The following SPTLC3 variants were observed in gnomAD, a reference collection of about 807,000 sequenced individuals.
The protein encoded by SPTLC3 is serine palmitoyltransferase 3.
Under a neutral mutation model 59.3 loss-of-function variants are expected in SPTLC3, and 36 were observed. The observed-to-expected ratio is 0.61, with a 90% confidence interval of 0.47 to 0.80. The LOEUF is 0.80. SPTLC3 is among the 30% of genes least tolerant of loss of function. SPTLC3 has a pLI of 0.00. For missense variants in SPTLC3, 625 were observed against 685.1 expected (o/e 0.91, Z 0.98); for synonymous variants, 257 against 240.8 (o/e 1.07, Z -0.62).
rs962568204 is a variant in SPTLC3 at position 13,165,575 on chromosome 20, T to G, written c.*708T>G. ...GTTTGGAAAATTCAAGATGTTTGTT[T>G]CATAAGAAAAGGGGCAGAAAGCAAG... On this transcript the variant is annotated 3_prime_UTR_variant, in exon 12 of 12. Coordinates refer to ENST00000399002, the MANE Select transcript of SPTLC3 (RefSeq NM_018327.4). 5 of 152,190 alleles carry G rather than the reference T, an allele frequency of 3.3e-5. No homozygotes were observed. The highest frequency in any genetic ancestry group is 7.3e-5 in the Non-Finnish European group (5 of 68,048). 9.4% of individuals were successfully genotyped at this position (152,190 alleles called of 1,614,324 possible). A position where few individuals can be genotyped will look rare whatever the true frequency, so the allele number is the denominator to read the frequency against.
At chr20:13,120,496 A>G (rs1990841664) in intron 8 of SPTLC3, among the ~76,000 whole-genome samples, 1 of 152,178 alleles carries the variant, frequency 6.6e-6, no homozygotes, top group Admixed American at 6.5e-5. Context: ...AATCTAGAAA[A>G]AAGAGATAAA....
chr20:13,102,482 GA>G (rs1345512258), intron 6 of SPTLC3, among the ~76,000 whole-genome samples: 3 of 152,162 alleles, frequency 2.0e-5, no homozygotes, highest in Non-Finnish European at 4.4e-5. Flanking sequence ...TAGGAAGTCT[GA>G]CTCCAGAGTC....
At chr20:13,035,711 GAC>G (rs1230647393) in intron 1 of SPTLC3, among the ~76,000 whole-genome samples, 1 of 152,148 alleles carries the variant, frequency 6.6e-6, no homozygotes, top group Admixed American at 6.6e-5. Context: ...AGAATCAAGT[GAC>G]ACACTCTAAA....
intron 6 of SPTLC3, among the ~76,000 whole-genome samples, chr20:13,096,847 T>C (rs1328600565): frequency 6.6e-6 from 1 of 152,164 alleles, no homozygotes; most frequent in African/African-American, 2.4e-5. Context: ...TAAAACAAAG[T>C]ACAGGCTTTG....
chr20:13,105,173 AG>A (rs1989811052), intron 6 of SPTLC3, among the ~76,000 whole-genome samples: 1 of 152,144 alleles, frequency 6.6e-6, no homozygotes, highest in Non-Finnish European at 1.5e-5. Context: ...CCAGGGGCTA[AG>A]GTGGGGCCAG....
chr20:13,038,096 T>A (rs1257584402), intron 1 of SPTLC3, among the ~76,000 whole-genome samples: 1 of 151,020 alleles, frequency 6.6e-6, no homozygotes, highest in East Asian at 1.9e-4. Flanking sequence ...CTGTCTGCCA[T>A]ATGGTGTGTA....
intron 2 of SPTLC3, among the ~76,000 whole-genome samples, chr20:13,063,297 C>A (rs1351161000): frequency 1.3e-5 from 2 of 152,146 alleles, no homozygotes; most frequent in Non-Finnish European, 2.9e-5. Flanking sequence ...TAGAGGAACT[C>A]TATGTGCTCT....
chr20:13,093,434 C>T, intron 5 of SPTLC3, 50 bp from the exon 6 acceptor site: 1 of 1,558,496 alleles, frequency 6.4e-7, no homozygotes, highest in Non-Finnish European at 8.8e-7. Flanking sequence ...AGTTGTTTTT[C>T]CTTGGTTTTA....
At chr20:13,097,719 G>A (rs964399353) in intron 6 of SPTLC3, among the ~76,000 whole-genome samples, 6 of 152,056 alleles carry the variant, frequency 3.9e-5, no homozygotes, top group Non-Finnish European at 8.8e-5. Context: ...CCTGTCACCA[G>A]ACAACCCCAA....
At position 13,110,099 on chromosome 20, in the gene SPTLC3, G is replaced by A. The variant is rs755263203; in HGVS notation, c.827-13G>A. ...TTTCATGACTCAATTTTTTTTTTTG[G>A]TATTATTTAAAGACACACAAAGCCT... On this transcript the variant is annotated splice_polypyrimidine_tract_variant and intron_variant, in intron 6 of 11. Transcript: ENST00000399002. 33 of 1,563,266 alleles carry A rather than the reference G, an allele frequency of 2.1e-5. No individual in the cohort carries two copies. Among genetic ancestry groups the A allele is most frequent in the Admixed American group, 4.1e-5 (2 of 48,274 alleles).
At chr20:13,132,329 G>A (rs73610453) in intron 9 of SPTLC3, among the ~76,000 whole-genome samples, 17,269 of 151,340 alleles carry the variant, frequency 0.11, 1,100 homozygotes, top group East Asian at 0.2. Flanking sequence ...GGAACCCACC[G>A]CCACGCCCAG....
chr20:13,120,472 CAGTT>C (rs1216791728), intron 8 of SPTLC3, among the ~76,000 whole-genome samples: 3 of 152,098 alleles, frequency 2.0e-5, no homozygotes, highest in African/African-American at 4.8e-5. Flanking sequence ...TGAAAATAAT[CAGTT>C]AGCTCCAAAA....
chr20:13,052,983 G>A (rs569670761), intron 2 of SPTLC3, among the ~76,000 whole-genome samples: 15 of 152,264 alleles, frequency 9.9e-5, no homozygotes, highest in East Asian at 3.9e-4. Flanking sequence ...AGACTTAAAC[G>A]TTCTTGCCTG....
At chr20:13,128,405 C>G (rs1444014402) in intron 9 of SPTLC3, among the ~76,000 whole-genome samples, 1 of 152,184 alleles carries the variant, frequency 6.6e-6, no homozygotes, top group African/African-American at 2.4e-5. Flanking sequence ...ACATCTAATA[C>G]CAATCAGTCA....
At chr20:13,032,260 G>A (rs1986515108) in intron 1 of SPTLC3, among the ~76,000 whole-genome samples, 2 of 152,304 alleles carry the variant, frequency 1.3e-5, no homozygotes, top group Non-Finnish European at 2.9e-5. Flanking sequence ...GTGAAGGATA[G>A]CCACTTAGCT....
intron 9 of SPTLC3, among the ~76,000 whole-genome samples, chr20:13,136,838 A>C (rs1283023337): frequency 6.6e-6 from 1 of 151,542 alleles, no homozygotes; most frequent in Non-Finnish European, 1.5e-5. Context: ...TTCAGGGATT[A>C]TTGCTGCAAA....
At chr20:13,091,795 T>C (rs79676000) in intron 5 of SPTLC3, among the ~76,000 whole-genome samples, 2,856 of 152,284 alleles carry the variant, frequency 0.019, 51 homozygotes, top group South Asian at 0.053. Context: ...AGTTCCCATC[T>C]GCAACTTCTC....
chr20:13,164,732 T>C, intron 11 of SPTLC3, 22 bp from the exon 12 acceptor site: 3 of 1,596,618 alleles, frequency 1.9e-6, no homozygotes, highest in Non-Finnish European at 2.6e-6. Context: ...ATGATAGCTA[T>C]TGGAAAGCAA....
intron 1 of SPTLC3, among the ~76,000 whole-genome samples, chr20:13,016,431 T>A (rs920018528): frequency 6.6e-6 from 1 of 152,180 alleles, no homozygotes; most frequent in African/African-American, 2.4e-5. Flanking sequence ...CTTATAGCAG[T>A]AATGCAAAGT....
Sources: allele counts gnomAD v4.1 joint callset (sites outside exome capture counted in the v4.1 genomes callset), GRCh38; gene constraint gnomAD v4.1.1; transcripts MANE v1.5; gene names NCBI Gene and HGNC (gene_info 2026-07-23, HGNC 2026-07-21).